The following APOBEC3H variants were observed in gnomAD, a reference collection of about 807,000 sequenced individuals.
APOBEC3H encodes apolipoprotein B mRNA editing enzyme catalytic subunit 3H, also known as DNA dC->dU-editing enzyme APOBEC-3H.
APOBEC3H carries 8 observed loss-of-function variants against 21.2 expected under a neutral mutation model. That is an observed-to-expected ratio of 0.38 (90% CI 0.22 to 0.68). The LOEUF is 0.68. Among genes scored for constraint, APOBEC3H ranks in the 30% least tolerant of loss-of-function variants. The pLI is 0.52. For missense variants in APOBEC3H, 229 were observed against 228.1 expected, an observed-to-expected ratio of 1.00 and a Z score of -0.03; for synonymous variants, 88 against 91.0, an observed-to-expected ratio of 0.97 and a Z score of 0.19.
intron 1 of APOBEC3H, among the ~76,000 whole-genome samples, chr22:39,099,143 G>A (rs932699722): frequency 3.3e-5 from 5 of 152,156 alleles, no homozygotes; most frequent in African/African-American, 1.2e-4. Flanking sequence ...GAACCTGGTA[G>A]GTGGAGCTTG....
intron 3 of APOBEC3H, 138 bp from the exon 4 acceptor site, chr22:39,101,780 A>C: frequency 7.3e-7 from 1 of 1,377,558 alleles, no homozygotes; most frequent in South Asian, 1.2e-5. Context: ...CCAAGATCTG[A>C]CACCACCCGG....
rs1815173672 is a variant in APOBEC3H, at chr22:39,103,981, T to C, written c.*284T>C. On this transcript the variant is annotated 3_prime_UTR_variant, in exon 5 of 5. Transcript: ENST00000442487. Reference sequence around the variant, plus strand: ...AAAAAATAAAGATAAAGTCTGTAAATCCAGCCGGGTACGGTGGCTCACGCC... The same window carrying C: ...AAAAAATAAAGATAAAGTCTGTAAACCCAGCCGGGTACGGTGGCTCACGCC... The C allele has an allele frequency of 1.9e-6, 1 of 520,510 alleles. No individual in the cohort carries two copies. 32.2% of individuals were successfully genotyped at this position (520,510 alleles called of 1,614,324 possible).
At chr22:39,102,962 C>CAAAAAA (rs58524849) in intron 4 of APOBEC3H, among the ~76,000 whole-genome samples, 1 of 94,058 alleles carries the variant, frequency 1.1e-5, no homozygotes, top group Non-Finnish European at 2.2e-5. Flanking sequence ...GACTCTGTCC[C>CAAAAAA]AAAAAAAAAA....
At position 39,099,668 on chromosome 22, in the gene APOBEC3H, G is replaced by T. The variant is rs943781310; in HGVS notation, c.-7-604G>T. The stretch of plus-strand genomic sequence containing the variant: ...CCAGGAAGAATAGTGACGAGGTCGG[G>T]GCATCCCCATGCAAAGAGCCTCAGC... On this transcript the variant is annotated intron_variant, in intron 1 of 4. Coordinates refer to ENST00000442487, the MANE Select transcript of APOBEC3H (RefSeq NM_181773.5). 5.3e-5 allele frequency among the ~76,000 whole-genome samples: 8 copies of T among 152,280 alleles called. 1 individual carries two copies. Among genetic ancestry groups the T allele is most frequent in the African/African-American group, 1.7e-4 (7 of 41,562 alleles).
At chr22:39,097,459 C>G (rs1929068875) in intron 1 of APOBEC3H, 116 bp downstream of exon 1, 1 of 153,488 alleles carries the variant, frequency 6.5e-6, no homozygotes, top group Non-Finnish European at 1.5e-5. Context: ...GCTCCTTCTC[C>G]TCTGGCTCCC....
chr22:39,097,699 G>A (rs1929083853), intron 1 of APOBEC3H, among the ~76,000 whole-genome samples: 1 of 152,204 alleles, frequency 6.6e-6, no homozygotes, highest in African/African-American at 2.4e-5. Flanking sequence ...AGGATGATGG[G>A]AGCAATCTGG....
At chr22:39,103,606 G>A (rs1929491778) in intron 4 of APOBEC3H, 83 bp from the exon 5 acceptor site, 1 of 1,445,572 alleles carries the variant, frequency 6.9e-7, no homozygotes, top group East Asian at 2.3e-5. Flanking sequence ...TCTTCCTAAT[G>A]ATCTCATCCT....
At chr22:39,100,836 C>T (rs1350555783) in intron 2 of APOBEC3H, among the ~76,000 whole-genome samples, 1 of 152,146 alleles carries the variant, frequency 6.6e-6, no homozygotes, top group African/African-American at 2.4e-5. Context: ...GCCTCCCCGC[C>T]CCCCGCCCCG....
chr22:39,100,598 TG>T (rs961966056), intron 2 of APOBEC3H, 170 bp downstream of exon 2: 2 of 896,224 alleles, frequency 2.2e-6, no homozygotes, highest in African/African-American at 3.4e-5. Context: ...TGGATCTGAG[TG>T]GCCCAGTTTC....
Position 39,103,765 on chromosome 22 carries a change from GAAGC to G in APOBEC3H, c.*71_*74del. On this transcript the variant is annotated 3_prime_UTR_variant, in exon 5 of 5. Transcript: ENST00000442487. ...GGACCCGTATCCCACTCATTATCAA[GAAGC>G]AACTCAAGATGACTTTCCCTGGGGC... is the stretch of plus-strand genomic sequence containing the variant. 6.3e-7 allele frequency: 1 copy of G among 1,585,662 alleles called. No homozygotes were observed. The highest frequency in any genetic ancestry group is 1.1e-5 in the South Asian group (1 of 90,478).
At chr22:39,101,169 C>T in intron 2 of APOBEC3H, 68 bp from the exon 3 acceptor site, 1 of 1,162,362 alleles carries the variant, frequency 8.6e-7, no homozygotes, top group Non-Finnish European at 1.2e-6. Context: ...CCGGCCCCCG[C>T]CCCCAGTCAC....
chr22:39,100,112 G>C lies in APOBEC3H; in HGVS notation c.-7-160G>C, dbSNP rs563806908. 4.7e-4 allele frequency among the ~76,000 whole-genome samples: 71 copies of C among 152,336 alleles called. 1 individual carries two copies. The highest frequency in any genetic ancestry group is 3.4e-3 in the Middle Eastern group (1 of 294). ...CGCTTGAACTTGGAAGGCGGAGGTT[G>C]CAGTGAGCCAAGATCGGGCCACTGC... On this transcript the variant is annotated intron_variant, in intron 1 of 4. Transcript: ENST00000442487.
Position 39,099,547 on chromosome 22 carries a change from C to T in APOBEC3H, c.-7-725C>T, listed in dbSNP as rs544101341. Among the ~76,000 whole-genome samples, 9 of 152,326 alleles carry T rather than the reference C, an allele frequency of 5.9e-5. No individual in the cohort carries two copies. In the East Asian group the frequency reaches 1.5e-3, roughly 26 times the overall value. On this transcript the variant is annotated intron_variant, in intron 1 of 4. Coordinates refer to ENST00000442487, the MANE Select transcript of APOBEC3H (RefSeq NM_181773.5). ...CAGCTGGAAAGAGGGATCTGGGACT[C>T]AGGCCAGAGGCGTGTGAGCAGCTCA... is the stretch of plus-strand genomic sequence containing the variant.
At chr22:39,097,944 C>G (rs574451818) in intron 1 of APOBEC3H, among the ~76,000 whole-genome samples, 1 of 152,120 alleles carries the variant, frequency 6.6e-6, no homozygotes, top group Non-Finnish European at 1.5e-5. Flanking sequence ...ACGGAATATA[C>G]GGAAAAACTC....
In APOBEC3H at chr22:39,101,522, C is replaced by T. The variant is rs370334961; in HGVS notation, c.418+18C>T. ...CTTCCCAGGTAGGAAAGAGGCTTTG[C>T]AGTTATAAGAGTGCAAACCCCCGGG... On this transcript the variant is annotated intron_variant, in intron 3 of 4. Transcript: ENST00000442487. The T allele has an allele frequency of 3.3e-6, 5 of 1,537,802 alleles. No individual in the cohort carries two copies. The highest frequency in any genetic ancestry group is 2.5e-5 in the East Asian group (1 of 39,474).
At chr22:39,103,291 A>C (rs1929476862) in intron 4 of APOBEC3H, among the ~76,000 whole-genome samples, 1 of 152,250 alleles carries the variant, frequency 6.6e-6, no homozygotes, top group South Asian at 2.1e-4. Flanking sequence ...TGCTTAAAAA[A>C]ATAATAATAA....
At chr22:39,100,136 G>A (rs1200262766) in intron 1 of APOBEC3H, 136 bp from the exon 2 acceptor site, 3 of 903,780 alleles carry the variant, frequency 3.3e-6, no homozygotes, top group South Asian at 1.7e-5. Flanking sequence ...TCGGGCCACT[G>A]CACTCCAGCC....
intron 4 of APOBEC3H, among the ~76,000 whole-genome samples, chr22:39,103,368 A>T (rs962450870): frequency 1.3e-5 from 2 of 152,246 alleles, no homozygotes; most frequent in African/African-American, 4.8e-5. Flanking sequence ...AAAACCCGGG[A>T]AATATGAAAT....
Position 39,103,903 on chromosome 22 carries a change from C to A in APOBEC3H, c.*206C>A, listed in dbSNP as rs1228390598. On this transcript the variant is annotated 3_prime_UTR_variant, in exon 5 of 5. Coordinates refer to ENST00000442487, the MANE Select transcript of APOBEC3H (RefSeq NM_181773.5). ...TCCAAGTACAGAAGACCTTCCTTTC[C>A]TCCTTTTTCCATATTGCTTTCTGTT... is the stretch of plus-strand genomic sequence containing the variant. 6 of 605,730 alleles carry A rather than the reference C, an allele frequency of 9.9e-6. No homozygotes were observed. In the East Asian group the frequency reaches 1.6e-4, roughly 16 times the overall value. 37.5% of individuals were successfully genotyped at this position (605,730 alleles called of 1,614,324 possible).
Sources: allele counts gnomAD v4.1 joint callset (sites outside exome capture counted in the v4.1 genomes callset), GRCh38; gene constraint gnomAD v4.1.1; transcripts MANE v1.5; gene names NCBI Gene and HGNC (gene_info 2026-07-23, HGNC 2026-07-21).